MIS18A: variants seen among roughly 807,000 people sequenced by gnomAD.
MIS18A encodes the protein MIS18 kinetochore protein A, also known as protein Mis18-alpha.
In MIS18A, 14 loss-of-function variants were observed where a neutral mutation model predicts 25.0. That is an observed-to-expected ratio of 0.56 (90% CI 0.37 to 0.88). MIS18A has a LOEUF of 0.88. Among genes scored for constraint, MIS18A ranks in the 40% least tolerant of loss-of-function variants. The pLI, the probability that MIS18A is intolerant of heterozygous loss-of-function variation, is 0.00. For missense variants in MIS18A, 292 were observed against 290.8 expected (o/e 1.00, Z -0.03); for synonymous variants, 134 against 118.6 (o/e 1.13, Z -0.84).
At chr21:32,278,407 G>T (rs1046973061) in intron 1 of MIS18A, 32 of 460,858 alleles carry the variant, frequency 6.9e-5, no homozygotes, top group Non-Finnish European at 1.0e-4. Flanking sequence ...ATTCTTTGTC[G>T]CCCTTTGTTT....
In MIS18A at chr21:32,274,909, A is replaced by G; in HGVS notation, c.335-13T>C. ...TTACAGGAAACACCTAGAAACAGAG[A>G]AAGTAACAATAATTTATTAATGTAG... On this transcript the variant is annotated splice_polypyrimidine_tract_variant and intron_variant, in intron 1 of 4. Transcript: ENST00000290130. The G allele has an allele frequency of 6.2e-7, 1 of 1,600,068 alleles. No individual in the cohort carries two copies. The highest frequency in any genetic ancestry group is 2.2e-5 in the East Asian group (1 of 44,784).
the MIS18A span, among the ~76,000 whole-genome samples, chr21:32,193,511 GATAGATA>G: frequency 9.2e-6 from 1 of 109,052 alleles, no homozygotes; most frequent in African/African-American, 3.2e-5. Flanking sequence ...TAGATAGATA[GATAGATA>G]GATGGATAGA....
At chr21:32,156,864 TC>T in the MIS18A span, among the ~76,000 whole-genome samples, 3 of 152,128 alleles carry the variant, frequency 2.0e-5, no homozygotes, top group Admixed American at 6.5e-5. Context: ...AATAGACATA[TC>T]AGGTGGGAGG....
the MIS18A span, among the ~76,000 whole-genome samples, chr21:32,222,951 A>G: frequency 0.015 from 2,137 of 144,568 alleles, 37 homozygotes; most frequent in Middle Eastern, 0.032. Context: ...AAAAAAAAAA[A>G]AAAGAAAGAA....
the MIS18A span, among the ~76,000 whole-genome samples, chr21:32,227,386 A>T: frequency 6.6e-5 from 10 of 151,988 alleles, no homozygotes; most frequent in Admixed American, 5.9e-4. Flanking sequence ...GTTACTACTG[A>T]CCTTACAGAA....
At chr21:32,238,995 C>T in the MIS18A span, among the ~76,000 whole-genome samples, 3 of 151,986 alleles carry the variant, frequency 2.0e-5, no homozygotes, top group Non-Finnish European at 2.9e-5. Flanking sequence ...ATACGGATTC[C>T]ACCTAACATA....
chr21:32,193,547 C>T, the MIS18A span, among the ~76,000 whole-genome samples: 62 of 152,110 alleles, frequency 4.1e-4, no homozygotes, highest in African/African-American at 1.4e-3. Context: ...TCTAATCGAG[C>T]TAAAACCATA....
chr21:32,159,125 T>C, the MIS18A span, among the ~76,000 whole-genome samples: 3 of 152,150 alleles, frequency 2.0e-5, no homozygotes, highest in African/African-American at 7.2e-5. Flanking sequence ...CTAATAAGAA[T>C]GTTAAAAAAA....
chr21:32,265,758 C>T (rs899317268), downstream of MIS18A, among the ~76,000 whole-genome samples: 3 of 152,396 alleles, frequency 2.0e-5, no homozygotes, highest in Admixed American at 1.3e-4. Context: ...CCTGCAGCCC[C>T]GGTGCGGGAT....
chr21:32,179,184 G>T, the MIS18A span, among the ~76,000 whole-genome samples: 1 of 151,648 alleles, frequency 6.6e-6, no homozygotes, highest in Non-Finnish European at 1.5e-5. Context: ...GATGTTACTG[G>T]ATTTCAGTTC....
chr21:32,228,170 C>T, the MIS18A span, among the ~76,000 whole-genome samples: 1 of 152,174 alleles, frequency 6.6e-6, no homozygotes, highest in Admixed American at 6.5e-5. Flanking sequence ...CTCACTGCAA[C>T]CTCTGCCTCC....
downstream of MIS18A, among the ~76,000 whole-genome samples, chr21:32,267,263 G>A (rs1276930092): frequency 1.3e-5 from 2 of 152,220 alleles, no homozygotes; most frequent in African/African-American, 2.4e-5. Flanking sequence ...CTGGATTGAC[G>A]TTCAGATGCT....
chr21:32,242,210 C>T, the MIS18A span, among the ~76,000 whole-genome samples: 1 of 152,186 alleles, frequency 6.6e-6, no homozygotes, highest in Admixed American at 6.5e-5. Context: ...CAAGAAGCAG[C>T]CTGAGAGCGA....
chr21:32,179,687 A>G, the MIS18A span, among the ~76,000 whole-genome samples: 1 of 152,202 alleles, frequency 6.6e-6, no homozygotes, highest in Non-Finnish European at 1.5e-5. Flanking sequence ...AATATCACCA[A>G]TTTTATTGAA....
the MIS18A span, among the ~76,000 whole-genome samples, chr21:32,196,823 T>C: frequency 6.6e-6 from 1 of 152,222 alleles, no homozygotes; most frequent in Non-Finnish European, 1.5e-5. Context: ...GTCGGATAGA[T>C]AGATAATTGA....
the MIS18A span, among the ~76,000 whole-genome samples, chr21:32,178,071 A>T: frequency 6.6e-6 from 1 of 151,948 alleles, no homozygotes; most frequent in Non-Finnish European, 1.5e-5. Flanking sequence ...TGAGCATGCC[A>T]CTATACTAGG....
the MIS18A span, among the ~76,000 whole-genome samples, chr21:32,259,285 G>A: frequency 1.3e-4 from 20 of 152,270 alleles, no homozygotes; most frequent in Middle Eastern, 3.4e-3. Context: ...CTCCAAGACC[G>A]CAGGCCTCTG....
chr21:32,274,465 G>A (rs567876569), intron 2 of MIS18A, among the ~76,000 whole-genome samples: 8 of 151,788 alleles, frequency 5.3e-5, no homozygotes, highest in East Asian at 1.9e-4. Flanking sequence ...CTTGGCCTCC[G>A]AAAGTGCTGG....
At chr21:32,263,425 G>C (rs184356978), downstream of MIS18A, among the ~76,000 whole-genome samples, 2 of 152,198 alleles carry the variant, frequency 1.3e-5, no homozygotes, top group African/African-American at 4.8e-5. Flanking sequence ...GTGAAACCCT[G>C]TCTCTACTAT....
Sources: gnomAD v4.1 joint callset for allele counts (sites outside exome capture counted in the v4.1 genomes callset) on GRCh38, gnomAD v4.1.1 for gene constraint, MANE v1.5 for transcripts, NCBI Gene and HGNC (gene_info 2026-07-23, HGNC 2026-07-21) for gene names.